The following OPCML variants were observed in gnomAD, a reference collection of about 807,000 sequenced individuals.
OPCML encodes the protein opioid binding protein/cell adhesion molecule like, also known as opioid-binding protein/cell adhesion molecule.
Under a neutral mutation model 37.8 loss-of-function variants are expected in OPCML, and 13 were observed. That is an observed-to-expected ratio of 0.34 (90% CI 0.22 to 0.55). OPCML has a LOEUF of 0.55. Among genes scored for constraint, OPCML ranks in the 20% least tolerant of loss-of-function variants. The pLI, the probability that OPCML is intolerant of heterozygous loss-of-function variation, is 0.91. For missense variants in OPCML, 341 were observed against 435.6 expected, an observed-to-expected ratio of 0.78 and a Z score of 1.93; for synonymous variants, 176 against 168.8, an observed-to-expected ratio of 1.04 and a Z score of -0.33.
In OPCML at chr11:133,349,695, C is replaced by A. The variant is rs554041547; in HGVS notation, c.61+182569G>T. Among the ~76,000 whole-genome samples the A allele has an allele frequency of 5.6e-4, 85 of 152,296 alleles. 1 individual carries two copies. The highest frequency in any genetic ancestry group is 3.4e-3 in the Middle Eastern group (1 of 294). ...ACTTTGTTCTGTCTGTGGCCACATT[C>A]CCCACGGTGGATTTTCTTTCTGAAG... is the stretch of plus-strand genomic sequence containing the variant. On this transcript the variant is annotated intron_variant, in intron 1 of 7. Transcript: ENST00000524381.
chr11:132,710,202 C>A (rs746090761), intron 2 of OPCML, among the ~76,000 whole-genome samples: 54 of 152,074 alleles, frequency 3.6e-4, no homozygotes, highest in Non-Finnish European at 6.8e-4. Context: ...GGACTAGAAT[C>A]TGACGTAAAT....
In OPCML at chr11:133,117,679, G is replaced by A. The variant is rs547974738; in HGVS notation, c.62-174669C>T. 15 of 591,246 alleles carry A rather than the reference G, an allele frequency of 2.5e-5. No homozygotes were observed. In the African/African-American group the frequency reaches 3.0e-4, roughly 12 times the overall value. 36.6% of individuals were successfully genotyped at this position (591,246 alleles called of 1,614,324 possible). ...AATTTCACTTGCCCTTGGGCTCAGA[G>A]TGACCAGTTTGGTAATCACTCTCAA... On this transcript the variant is annotated intron_variant, in intron 1 of 7. Transcript: ENST00000524381.
At chr11:133,340,309 T>A (rs1003389540) in intron 1 of OPCML, among the ~76,000 whole-genome samples, 2 of 152,172 alleles carry the variant, frequency 1.3e-5, no homozygotes, top group Non-Finnish European at 2.9e-5. Flanking sequence ...TGACCAGTTG[T>A]GATTAGAAAT....
intron 1 of OPCML, among the ~76,000 whole-genome samples, chr11:133,016,000 C>T (rs1263074172): frequency 6.6e-6 from 1 of 152,158 alleles, no homozygotes; most frequent in Non-Finnish European, 1.5e-5. Flanking sequence ...GTGCCCATCC[C>T]TTTAACAAAT....
intron 1 of OPCML, among the ~76,000 whole-genome samples, chr11:133,220,026 C>G (rs1328523740): frequency 6.6e-6 from 1 of 152,224 alleles, no homozygotes; most frequent in African/African-American, 2.4e-5. Flanking sequence ...CCTTGACAGG[C>G]TGTGACCTTA....
intron 1 of OPCML, among the ~76,000 whole-genome samples, chr11:133,518,486 TG>T (rs749557807): frequency 3.3e-5 from 5 of 151,950 alleles, no homozygotes; most frequent in Non-Finnish European, 7.4e-5. Flanking sequence ...TGGATGTTTG[TG>T]TATAAGTGTG....
rs145568788 is a variant in OPCML at position 133,428,706 on chromosome 11, G to T, written c.61+103558C>A. ...AAAATGAGCTTCAATAAATGAAGAG[G>T]CATACTACATTCTGGGAAAGGAAGA... is the stretch of plus-strand genomic sequence containing the variant. On this transcript the variant is annotated intron_variant, in intron 1 of 7. Transcript: ENST00000524381. 5.7e-4 allele frequency among the ~76,000 whole-genome samples: 86 copies of T among 152,136 alleles called. 3 individuals carry two copies. Among genetic ancestry groups the T allele is most frequent in the African/African-American group, 2.0e-3 (83 of 41,520 alleles).
intron 1 of OPCML, among the ~76,000 whole-genome samples, chr11:133,315,816 C>T (rs1943192918): frequency 6.6e-6 from 1 of 152,136 alleles, no homozygotes; most frequent in Non-Finnish European, 1.5e-5. Flanking sequence ...AAAAAGAATT[C>T]ATGTCCCTCT....
At chr11:132,713,004 C>T (rs1944328371) in intron 2 of OPCML, among the ~76,000 whole-genome samples, 1 of 152,194 alleles carries the variant, frequency 6.6e-6, no homozygotes, top group African/African-American at 2.4e-5. Context: ...AGGGTGGGCT[C>T]CGAGGGCGCT....
At position 133,171,117 on chromosome 11, in the gene OPCML, G is replaced by A. The variant is rs931666676; in HGVS notation, c.62-228107C>T. Among the ~76,000 whole-genome samples, 27 of 152,208 alleles carry A rather than the reference G, an allele frequency of 1.8e-4. 1 individual carries two copies. Among genetic ancestry groups the A allele is most frequent in the Admixed American group, 1.5e-3 (23 of 15,282 alleles). Reference sequence around the variant, plus strand: ...AATTGAAGAAGAGATTTCAGGGAGTGAGGCTGGCCCTATACCTCTTTGTTT... The same window carrying A: ...AATTGAAGAAGAGATTTCAGGGAGTAAGGCTGGCCCTATACCTCTTTGTTT... On this transcript the variant is annotated intron_variant, in intron 1 of 7. Coordinates refer to ENST00000524381, the MANE Select transcript of OPCML (RefSeq NM_001012393.5).
At chr11:133,037,450 T>A (rs4641493) in intron 1 of OPCML, among the ~76,000 whole-genome samples, 1 of 152,036 alleles carries the variant, frequency 6.6e-6, no homozygotes, top group African/African-American at 2.4e-5. Flanking sequence ...AGGAGGTGGG[T>A]CAGAATGACC....
chr11:133,152,543 G>A (rs1454130118), intron 1 of OPCML, among the ~76,000 whole-genome samples: 1 of 147,260 alleles, frequency 6.8e-6, no homozygotes, highest in Admixed American at 6.7e-5. Context: ...TCCCACCTTG[G>A]ACCCAAGGTA....
intron 1 of OPCML, among the ~76,000 whole-genome samples, chr11:133,441,882 CA>C (rs1249270625): frequency 6.6e-6 from 1 of 151,940 alleles, no homozygotes; most frequent in East Asian, 1.9e-4. Flanking sequence ...AAGAACTCAG[CA>C]GAACAGAAAT....
At chr11:132,774,801 G>A (rs1244776722) in intron 2 of OPCML, among the ~76,000 whole-genome samples, 2 of 152,146 alleles carry the variant, frequency 1.3e-5, no homozygotes, top group African/African-American at 2.4e-5. Flanking sequence ...GTCATCATCA[G>A]GGCTGTGCAT....
chr11:132,627,795 A>C (rs1269277605), intron 3 of OPCML, among the ~76,000 whole-genome samples: 1 of 152,248 alleles, frequency 6.6e-6, no homozygotes, highest in African/African-American at 2.4e-5. Context: ...GTTAAAGGGA[A>C]AGCTGATGCA....
chr11:132,807,918 AT>A (rs1377906915), intron 2 of OPCML, among the ~76,000 whole-genome samples: 1 of 139,206 alleles, frequency 7.2e-6, no homozygotes, highest in Non-Finnish European at 1.5e-5. Flanking sequence ...GGCCATCAAA[AT>A]TCTGATTTGT....
At chr11:132,436,604 G>A (rs1429866692) in intron 6 of OPCML, 55 bp downstream of exon 6, 1 of 1,601,210 alleles carries the variant, frequency 6.2e-7, no homozygotes, top group African/African-American at 1.3e-5. Context: ...TCTCCCATGT[G>A]GGGATAGACC....
At chr11:132,950,105 G>A (rs1458909154) in intron 1 of OPCML, among the ~76,000 whole-genome samples, 1 of 152,222 alleles carries the variant, frequency 6.6e-6, no homozygotes, top group Non-Finnish European at 1.5e-5. Context: ...GAAGGTCACA[G>A]TAACTGTTTT....
chr11:132,681,682 G>GT (rs1204441055), intron 2 of OPCML, among the ~76,000 whole-genome samples: 1 of 152,162 alleles, frequency 6.6e-6, no homozygotes, highest in Non-Finnish European at 1.5e-5. Context: ...GCAGCCAGCC[G>GT]TGGTGGCTCA....
Sources: gnomAD v4.1 joint callset for allele counts (sites outside exome capture counted in the v4.1 genomes callset) on GRCh38, gnomAD v4.1.1 for gene constraint, MANE v1.5 for transcripts, NCBI Gene and HGNC (gene_info 2026-07-23, HGNC 2026-07-21) for gene names.